CTNNA1: variants seen among roughly 807,000 people sequenced by gnomAD.
CTNNA1 encodes catenin alpha 1.
In CTNNA1, 37 loss-of-function variants were observed where a neutral mutation model predicts 98.4. The ratio of observed to expected loss-of-function variants is 0.38; its 90% confidence interval spans 0.29 to 0.49. CTNNA1 has a LOEUF of 0.49. CTNNA1 is among the 20% of genes least tolerant of loss of function. CTNNA1 has a pLI of 0.95. For synonymous variants in CTNNA1, 404 were observed against 413.2 expected (o/e 0.98, Z 0.27); for missense variants, 761 against 1,147.2 (o/e 0.66, Z 4.86).
At chr5:138,812,498 C>T (rs1758935182) in intron 5 of CTNNA1, among the ~76,000 whole-genome samples, 196 bp downstream of exon 5, 1 of 152,104 alleles carries the variant, frequency 6.6e-6, no homozygotes, top group South Asian at 2.1e-4. Flanking sequence ...TGTTATGCTC[C>T]TATTTTAATT....
intron 16 of CTNNA1, 141 bp downstream of exon 16, chr5:138,931,076 T>A (rs564882712): frequency 3.1e-6 from 2 of 640,284 alleles, no homozygotes; most frequent in South Asian, 3.7e-5. Flanking sequence ...AATCCCAGCA[T>A]AGATTTGTAA....
intron 3 of CTNNA1, among the ~76,000 whole-genome samples, chr5:138,790,092 G>GGT (rs1334589852): frequency 1.3e-5 from 2 of 152,170 alleles, no homozygotes; most frequent in African/African-American, 4.8e-5. Context: ...ACAGCCCAGA[G>GGT]GTAGGACCTA....
chr5:138,925,767 C>T (rs1763874582), intron 13 of CTNNA1, among the ~76,000 whole-genome samples: 1 of 152,182 alleles, frequency 6.6e-6, no homozygotes, highest in Non-Finnish European at 1.5e-5. Flanking sequence ...AGTTATTGTT[C>T]ACATGAAGTG....
chr5:138,781,861 T>G (rs1473342582), intron 1 of CTNNA1, 62 bp from the exon 2 acceptor site: 34 of 1,456,894 alleles, frequency 2.3e-5, no homozygotes, highest in African/African-American at 2.9e-5. Context: ...AGGAGAAGAT[T>G]TGTTACATAT....
At chr5:138,774,149 C>T (rs920386564) in intron 1 of CTNNA1, among the ~76,000 whole-genome samples, 3 of 152,070 alleles carry the variant, frequency 2.0e-5, no homozygotes, top group African/African-American at 7.2e-5. Flanking sequence ...TACCAAAGTG[C>T]TGGGATTTCA....
At chr5:138,805,574 A>T (rs191438965) in intron 3 of CTNNA1, among the ~76,000 whole-genome samples, 12 of 151,986 alleles carry the variant, frequency 7.9e-5, no homozygotes, top group Admixed American at 2.0e-4. Context: ...ACCTGTTTAA[A>T]TCCTTTGCCT....
chr5:138,813,179 G>C (rs1386087383), intron 5 of CTNNA1, among the ~76,000 whole-genome samples: 3 of 152,200 alleles, frequency 2.0e-5, no homozygotes, highest in Non-Finnish European at 4.4e-5. Context: ...GTATCATCAA[G>C]GATCCAGGTT....
At chr5:138,842,178 T>C (rs899373776) in intron 7 of CTNNA1, among the ~76,000 whole-genome samples, 4 of 152,164 alleles carry the variant, frequency 2.6e-5, no homozygotes, top group African/African-American at 9.7e-5. Context: ...CACACACCTG[T>C]AGTTCCAGCT....
At chr5:138,884,657 T>G (rs1753636831) in intron 7 of CTNNA1, among the ~76,000 whole-genome samples, 1 of 152,216 alleles carries the variant, frequency 6.6e-6, no homozygotes, top group Non-Finnish European at 1.5e-5. Flanking sequence ...GTCTTAAGTC[T>G]GTTTTAATGT....
At chr5:138,806,601 T>C (rs150273365) in intron 3 of CTNNA1, among the ~76,000 whole-genome samples, 214 of 152,270 alleles carry the variant, frequency 1.4e-3, no homozygotes, top group African/African-American at 4.9e-3. Context: ...GTTAATCCTC[T>C]TTACTTTGAC....
In CTNNA1 at chr5:138,812,311, A is replaced by G. The variant is rs1246262618; in HGVS notation, c.588+9A>G. On this transcript the variant is annotated intron_variant, in intron 5 of 17. Coordinates refer to ENST00000302763, the MANE Select transcript of CTNNA1 (RefSeq NM_001903.5). ...CAGCCAAAAGACAACAGGTACAGTCATGATTTGGGGATATATTAAAGTTGT... is the reference window on the plus strand; with the variant it reads ...CAGCCAAAAGACAACAGGTACAGTCGTGATTTGGGGATATATTAAAGTTGT... 1 of 1,608,190 alleles carries G rather than the reference A, an allele frequency of 6.2e-7. No individual in the cohort carries two copies. The highest frequency in any genetic ancestry group is 1.3e-5 in the African/African-American group (1 of 74,510).
chr5:138,924,436 T>C lies in CTNNA1; in HGVS notation c.1547-74T>C. On this transcript the variant is annotated intron_variant, in intron 11 of 17. Coordinates refer to ENST00000302763, the MANE Select transcript of CTNNA1 (RefSeq NM_001903.5). ...CTGGCACCAAGCAAACAATAAATGA[T>C]AGATGCCAGCTTACAGTTGCCACCT... 2 of 1,463,166 alleles carry C rather than the reference T, an allele frequency of 1.4e-6. 1 individual carries two copies. The highest frequency in any genetic ancestry group is 1.9e-6 in the Non-Finnish European group (2 of 1,056,588). The allele number at this position is 1,463,166 out of a possible 1,614,324, so 90.6% of individuals were successfully genotyped here.
At chr5:138,913,670 G>T (rs554042339) in intron 10 of CTNNA1, among the ~76,000 whole-genome samples, 8 of 151,726 alleles carry the variant, frequency 5.3e-5, no homozygotes, top group Admixed American at 3.3e-4. Context: ...TTTTCTAACA[G>T]TTTTTCCTAT....
intron 1 of CTNNA1, among the ~76,000 whole-genome samples, chr5:138,778,514 T>G (rs1229414947): frequency 1.3e-5 from 2 of 152,216 alleles, no homozygotes; most frequent in Non-Finnish European, 2.9e-5. Flanking sequence ...AGGTGGCATC[T>G]CAGGTTTCTG....
At chr5:138,765,539 A>G (rs1017357752) in intron 1 of CTNNA1, among the ~76,000 whole-genome samples, 1 of 152,300 alleles carries the variant, frequency 6.6e-6, no homozygotes, top group African/African-American at 2.4e-5. Context: ...TTCATTTATT[A>G]AGTCTGCCTT....
rs1431878242 is a variant in CTNNA1, at chr5:138,806,400, C to A, written c.302-3638C>A. Among the ~76,000 whole-genome samples, 3 of 151,530 alleles carry A rather than the reference C, an allele frequency of 2.0e-5. No homozygotes were observed. The South Asian group carries it at 6.3e-4, about 32-fold the overall frequency. On this transcript the variant is annotated intron_variant, in intron 3 of 17. Coordinates refer to ENST00000302763, the MANE Select transcript of CTNNA1 (RefSeq NM_001903.5). ...CTTTCCCAACTCATGTGTTTTCATACATCTCTGGCTTTCTTCTCCCGCTCA... is the reference window on the plus strand; with the variant it reads ...CTTTCCCAACTCATGTGTTTTCATAAATCTCTGGCTTTCTTCTCCCGCTCA...
chr5:138,904,872 A>G (rs888118750), intron 10 of CTNNA1: 1 of 152,554 alleles, frequency 6.6e-6, no homozygotes, highest in Non-Finnish European at 1.5e-5. Context: ...AGGCGGGCGG[A>G]TCACGAGGTC....
At chr5:138,803,320 A>G (rs1417748909) in intron 3 of CTNNA1, among the ~76,000 whole-genome samples, 1 of 151,634 alleles carries the variant, frequency 6.6e-6, no homozygotes, top group East Asian at 1.9e-4. Flanking sequence ...TGCCTGGCTA[A>G]TTTTTCTTTA....
At chr5:138,868,175 A>G (rs1490573346) in intron 7 of CTNNA1, among the ~76,000 whole-genome samples, 3 of 152,252 alleles carry the variant, frequency 2.0e-5, no homozygotes, top group Non-Finnish European at 1.5e-5. Context: ...GTTATCTAAT[A>G]TGGACTGACC....
Sources: gnomAD v4.1 joint callset for allele counts (sites outside exome capture counted in the v4.1 genomes callset) on GRCh38, gnomAD v4.1.1 for gene constraint, MANE v1.5 for transcripts, NCBI Gene and HGNC (gene_info 2026-07-23, HGNC 2026-07-21) for gene names.